CACNA1B: variants seen among roughly 807,000 people sequenced by gnomAD.
CACNA1B encodes calcium voltage-gated channel subunit alpha1 B, also known as voltage-dependent N-type calcium channel subunit alpha-1B.
A neutral mutation model predicts 247.2 loss-of-function variants in CACNA1B; 70 were observed. That is an observed-to-expected ratio of 0.28 (90% confidence interval 0.23 to 0.35). The LOEUF (loss-of-function observed/expected upper bound fraction) is 0.35. Ranked by LOEUF, CACNA1B falls within the 10% of genes least tolerant of loss-of-function variation. CACNA1B has a pLI of 1.00. For synonymous variants in CACNA1B, 1,231 were observed against 1,294.4 expected (o/e 0.95, Z 1.05); for missense variants, 2,367 against 3,197.4 (o/e 0.74, Z 6.26).
intron 6 of CACNA1B, among the ~76,000 whole-genome samples, chr9:137,920,631 T>C (rs1957466805): frequency 6.6e-6 from 1 of 152,226 alleles, no homozygotes; most frequent in African/African-American, 2.4e-5. Flanking sequence ...GAAGGATTTC[T>C]CCAATGACCA....
intron 23 of CACNA1B, among the ~76,000 whole-genome samples, chr9:138,048,968 T>C (rs1174693504): frequency 1.3e-5 from 2 of 152,226 alleles, no homozygotes; most frequent in Admixed American, 1.3e-4. Flanking sequence ...TCCACCCGCC[T>C]CAGCCTCCCA....
intron 15 of CACNA1B, among the ~76,000 whole-genome samples, chr9:137,993,402 T>G (rs954579092): frequency 1.3e-5 from 2 of 152,226 alleles, no homozygotes; most frequent in Non-Finnish European, 2.9e-5. Context: ...GGATAAAATT[T>G]TTATTTTGTC....
chr9:137,919,276 T>G lies in CACNA1B; in HGVS notation c.966+1845T>G, dbSNP rs759738480. On this transcript the variant is annotated intron_variant, in intron 6 of 46. Coordinates refer to ENST00000371372, the MANE Select transcript of CACNA1B (RefSeq NM_000718.4). This position sits in a 1 kb window ranked among gnomAD's most constrained non-coding sequence, Gnocchi z 4.6. Reference sequence around the variant, plus strand: ...GTGGTGAGCAGAGGCATTCGACACGTAAGGGCATGGACAGTGGCGAGTGCC... The same window carrying G: ...GTGGTGAGCAGAGGCATTCGACACGGAAGGGCATGGACAGTGGCGAGTGCC... 1.3e-5 allele frequency among the ~76,000 whole-genome samples: 2 copies of G among 152,224 alleles called. No individual in the cohort carries two copies. Among genetic ancestry groups the G allele is most frequent in the African/African-American group, 2.4e-5 (1 of 41,466 alleles).
At chr9:137,918,570 G>A (rs1463502688) in intron 6 of CACNA1B, among the ~76,000 whole-genome samples, 1 of 152,038 alleles carries the variant, frequency 6.6e-6, no homozygotes, top group Admixed American at 6.5e-5. Context: ...GTGCCCTGGG[G>A]TGAAGCTTGG....
intron 3 of CACNA1B, 191 bp downstream of exon 3, chr9:137,883,074 G>A (rs1956951051): frequency 7.8e-6 from 5 of 640,964 alleles, no homozygotes; most frequent in Admixed American, 2.8e-5. Flanking sequence ...TCTCCCAGGG[G>A]TGCCAGTGCT....
chr9:138,029,704 G>A (rs1052810027), intron 20 of CACNA1B, among the ~76,000 whole-genome samples: 3 of 150,912 alleles, frequency 2.0e-5, no homozygotes, highest in Admixed American at 6.6e-5. Flanking sequence ...ACCATCTCCC[G>A]GGTTCAAAGT....
chr9:138,050,261 G>A lies in CACNA1B; in HGVS notation c.3710+946G>A, dbSNP rs1200669804. Reference sequence around the variant, plus strand: ...GGGTTCCTGCCATGCCTCTGGGAGCGGGGCGGGGAGCTGGGCTGGAGCTGG... The same window carrying A: ...GGGTTCCTGCCATGCCTCTGGGAGCAGGGCGGGGAGCTGGGCTGGAGCTGG... On this transcript the variant is annotated intron_variant, in intron 24 of 46. Coordinates refer to ENST00000371372, the MANE Select transcript of CACNA1B (RefSeq NM_000718.4). The surrounding 1 kb of genome is among the most constrained non-coding windows in gnomAD (Gnocchi z 5.2). 2.0e-5 allele frequency among the ~76,000 whole-genome samples: 3 copies of A among 152,160 alleles called. No homozygotes were observed. The highest frequency in any genetic ancestry group is 4.8e-5 in the African/African-American group (2 of 41,430).
At position 138,118,031 on chromosome 9, in the gene CACNA1B, C is replaced by T. The variant is rs781201314; in HGVS notation, c.5863C>T (p.Leu1955=). 6 of 1,599,288 alleles carry T rather than the reference C, an allele frequency of 3.8e-6. No homozygotes were observed. In the South Asian group the frequency reaches 4.5e-5, roughly 12 times the overall value. ...TGCACCCCATGAGGCCAGGCCACCC[C>T]TGGAGCGTGGCCACTCCACAGAGAT... ...QDAPHEARPP[L]ERGHSTEIPV... The change falls in exon 43 of 47, where the codon CTG becomes TTG. Residue 1955 remains leucine, a synonymous_variant. Coordinates refer to ENST00000371372, the MANE Select transcript of CACNA1B (RefSeq NM_000718.4).
intron 37 of CACNA1B, among the ~76,000 whole-genome samples, chr9:138,099,478 C>T (rs1961175692): frequency 6.6e-6 from 1 of 151,758 alleles, no homozygotes; most frequent in South Asian, 2.1e-4. Context: ...TGTGGATGTG[C>T]ACATGCCCGT....
rs371527046 is a variant in CACNA1B, at chr9:138,047,026, G to A, written c.3536G>A (p.Arg1179Lys). The A allele has an allele frequency of 5.6e-6, 9 of 1,609,052 alleles. No individual in the cohort carries two copies. The African/African-American group carries it at 1.2e-4, about 22-fold the overall frequency. The change falls in exon 22 of 47, where the codon AGG becomes AAG. Residue 1179 changes from arginine (R) to lysine (K), a missense_variant. Physicochemically the swap from Arg to Lys is conservative, Grantham distance 26. Around this residue, in one of 12 missense-constraint regions of CACNA1B, gnomAD observed 436 missense variants for 679.5 expected, o/e 0.64. Transcript: ENST00000371372. ...GACCCAGTGCGCACAGACTCGCCCA[G>A]GAACAACGTGAGTGGCCCGGATGGC... ...AEDPVRTDSPRNNALKYLDYI... is the reference protein window; with the variant it reads ...AEDPVRTDSPKNNALKYLDYI...
chr9:137,892,616 G>C, intron 3 of CACNA1B: 1 of 351,144 alleles, frequency 2.8e-6, no homozygotes, highest in Non-Finnish European at 5.6e-6. Context: ...ACCAGGTGAG[G>C]AGGAGGGGCA....
rs777203652 is a variant in CACNA1B, at chr9:138,102,678, C to T, written c.5223-33C>T. On this transcript the variant is annotated intron_variant, in intron 37 of 46. Transcript: ENST00000371372. The surrounding 1 kb of genome is among the most constrained non-coding windows in gnomAD (Gnocchi z 5.4). ...GCCGCTCCTCCTGTGGACCACCCCA[C>T]TGTGCCCTGGCCTCGCTGGGACGGG... is the stretch of plus-strand genomic sequence containing the variant. The T allele has an allele frequency of 3.8e-5, 54 of 1,439,206 alleles. 1 individual carries two copies. In the South Asian group the frequency reaches 4.6e-4, roughly 12 times the overall value. The allele number at this position is 1,439,206 out of a possible 1,614,324, so 89.2% of individuals were successfully genotyped here.
chr9:137,977,696 T>G (rs946706407), intron 12 of CACNA1B, among the ~76,000 whole-genome samples: 7 of 152,078 alleles, frequency 4.6e-5, no homozygotes, highest in Non-Finnish European at 8.8e-5. Context: ...AGGCTGGGAA[T>G]GATGGGTGGG....
chr9:138,091,314 C>G (rs1440525047), intron 36 of CACNA1B, among the ~76,000 whole-genome samples: 1 of 152,070 alleles, frequency 6.6e-6, no homozygotes, highest in Non-Finnish European at 1.5e-5. Context: ...TGTTCTCACT[C>G]ATATGTGGAA....
intron 36 of CACNA1B, among the ~76,000 whole-genome samples, chr9:138,088,272 G>A (rs1160262232): frequency 1.3e-5 from 2 of 151,932 alleles, no homozygotes; most frequent in East Asian, 1.9e-4. Context: ...GGGAGGCTGA[G>A]GCAGGAGAAT....
At position 138,016,742 on chromosome 9, in the gene CACNA1B, G is replaced by A. The variant is rs369653083; in HGVS notation, c.2267+3507G>A. Among the ~76,000 whole-genome samples, 82 of 152,294 alleles carry A rather than the reference G, an allele frequency of 5.4e-4. 1 individual carries two copies. In the South Asian group the frequency reaches 0.016, roughly 30 times the overall value. ...TATGCTGCCCCATCTTGAGGGCCGG[G>A]AGACCGTGCAGTCAGCCTCCCGCCG... is the stretch of plus-strand genomic sequence containing the variant. On this transcript the variant is annotated intron_variant, in intron 18 of 46. Coordinates refer to ENST00000371372, the MANE Select transcript of CACNA1B (RefSeq NM_000718.4).
intron 39 of CACNA1B, among the ~76,000 whole-genome samples, chr9:138,107,496 G>T (rs909137369): frequency 6.6e-6 from 1 of 151,938 alleles, no homozygotes; most frequent in Non-Finnish European, 1.5e-5. Context: ...TCCCATTTCT[G>T]ATTCATGCCT....
chr9:137,917,170 AG>A lies in CACNA1B; in HGVS notation c.776-69del. 1 of 1,448,022 alleles carries A rather than the reference AG, an allele frequency of 6.9e-7. No homozygotes were observed. The highest frequency in any genetic ancestry group is 9.5e-7 in the Non-Finnish European group (1 of 1,057,068). 89.7% of individuals were successfully genotyped at this position (1,448,022 alleles called of 1,614,324 possible). A position where few individuals can be genotyped will look rare whatever the true frequency, so the allele number is the denominator to read the frequency against. On this transcript the variant is annotated intron_variant, in intron 5 of 46. Transcript: ENST00000371372. The surrounding 1 kb of genome is among the most constrained non-coding windows in gnomAD (Gnocchi z 5.5). ...ACCTGCTGTGAGCTCTCCAGAGCCCAGGAATCCTGGTGGGGATTGGAGAGCT... is the reference window on the plus strand; with the variant it reads ...ACCTGCTGTGAGCTCTCCAGAGCCCAGAATCCTGGTGGGGATTGGAGAGCT...
Position 138,059,623 on chromosome 9 carries a change from G to C in CACNA1B, c.4585-31G>C. 3 of 1,312,700 alleles carry C rather than the reference G, an allele frequency of 2.3e-6. No homozygotes were observed. The highest frequency in any genetic ancestry group is 3.3e-6 in the Non-Finnish European group (3 of 905,578). 81.3% of individuals were successfully genotyped at this position (1,312,700 alleles called of 1,614,324 possible). ...TTTGCCAACAGAGCCCTCATCAGCC[G>C]CTGGCACTAACTGCTCTTCTTTTTC... On this transcript the variant is annotated intron_variant, in intron 30 of 46. Coordinates refer to ENST00000371372, the MANE Select transcript of CACNA1B (RefSeq NM_000718.4). The surrounding 1 kb of genome is among the most constrained non-coding windows in gnomAD (Gnocchi z 4.2).
Sources: allele counts gnomAD v4.1 joint callset (sites outside exome capture counted in the v4.1 genomes callset), GRCh38; gene constraint gnomAD v4.1.1; regional missense constraint gnomAD v4.1.1; non-coding constraint Gnocchi (gnomAD v3.1); transcripts MANE v1.5; gene names NCBI Gene and HGNC (gene_info 2026-07-23, HGNC 2026-07-21).